The following HDX variants were observed in gnomAD, a reference collection of about 807,000 sequenced individuals.
HDX encodes the protein chromosome X open reading frame 43.
A neutral mutation model predicts 45.2 loss-of-function variants in HDX; 19 were observed. The ratio of observed to expected loss-of-function variants is 0.42; its 90% confidence interval spans 0.29 to 0.62. The LOEUF is 0.62. Ranked by LOEUF, HDX falls within the 20% of genes least tolerant of loss-of-function variation. HDX has a pLI of 0.20. For synonymous variants in HDX, 188 were observed against 172.8 expected (o/e 1.09, Z -0.69); for missense variants, 532 against 493.9 (o/e 1.08, Z -0.73).
In HDX at chrX:84,439,093, C is replaced by G. The variant is rs773011214; in HGVS notation, c.1305+1439G>C. Among the ~76,000 whole-genome samples the G allele has an allele frequency of 5.4e-5, 6 of 111,345 alleles. No individual in the cohort carries two copies. In the South Asian group the frequency reaches 2.3e-3, roughly 42 times the overall value. On this transcript the variant is annotated intron_variant, in intron 5 of 10. Transcript: ENST00000373177. ...TTTTGTTTTGCCTTTTTAATTATTG[C>G]TATTCTGACTGGTGAGAGATGGTAT...
chrX:84,412,702 T>TTCA (rs1268597630), intron 5 of HDX, among the ~76,000 whole-genome samples: 5 of 111,793 alleles, frequency 4.5e-5, no homozygotes, highest in African/African-American at 1.6e-4. Flanking sequence ...TTATCTGAAT[T>TTCA]TGAATGTTGG....
chrX:84,404,829 G>C (rs1411880792), intron 5 of HDX, among the ~76,000 whole-genome samples: 1 of 111,250 alleles, frequency 9.0e-6, no homozygotes, highest in Non-Finnish European at 1.9e-5. Context: ...ACAATATCAT[G>C]AGATTTTCCC....
intron 7 of HDX, among the ~76,000 whole-genome samples, chrX:84,338,343 G>A (rs1008281226): frequency 4.6e-5 from 5 of 109,370 alleles, no homozygotes; most frequent in African/African-American, 6.7e-5. Flanking sequence ...AAATTTTGGG[G>A]GGTATATTTG....
At chrX:84,435,324 T>C (rs1376570332) in intron 5 of HDX, among the ~76,000 whole-genome samples, 4 of 111,590 alleles carry the variant, frequency 3.6e-5, no homozygotes, top group African/African-American at 9.8e-5. Context: ...ATCATGACCA[T>C]TTTTTCATGT....
intron 4 of HDX, among the ~76,000 whole-genome samples, chrX:84,456,214 A>T (rs774543302): frequency 8.9e-6 from 1 of 112,183 alleles, no homozygotes; most frequent in African/African-American, 3.2e-5. Context: ...AAATATTCAC[A>T]TCTTGAGTAG....
chrX:84,348,082 G>A (rs1414643874), intron 6 of HDX, among the ~76,000 whole-genome samples: 3 of 110,703 alleles, frequency 2.7e-5, no homozygotes, highest in Non-Finnish European at 5.7e-5. Context: ...TCTCTTTCTG[G>A]TGGTATTCCC....
chrX:84,439,798 T>C (rs1179046603), intron 5 of HDX, among the ~76,000 whole-genome samples: 2 of 111,657 alleles, frequency 1.8e-5, no homozygotes, highest in African/African-American at 6.5e-5. Context: ...TGTTCGTTAC[T>C]GTAGCCTCAT....
chrX:84,416,539 T>G (rs1389469969), intron 5 of HDX, among the ~76,000 whole-genome samples: 1 of 111,129 alleles, frequency 9.0e-6, no homozygotes, highest in African/African-American at 3.3e-5. Flanking sequence ...TTTATCTTCC[T>G]ACTAGACCTA....
At chrX:84,341,009 T>C (rs1569282338) in intron 7 of HDX, among the ~76,000 whole-genome samples, 2 of 111,602 alleles carry the variant, frequency 1.8e-5, no homozygotes, top group African/African-American at 3.3e-5. Flanking sequence ...ACTTTCACTT[T>C]TTTTCCTTCA....
At chrX:84,392,266 T>C (rs1222116166) in intron 5 of HDX, among the ~76,000 whole-genome samples, 2 of 111,663 alleles carry the variant, frequency 1.8e-5, no homozygotes, top group South Asian at 3.7e-4. Flanking sequence ...TTATGTCCCA[T>C]TGTCCTATGC....
At chrX:84,351,974 G>A (rs1358438790) in intron 6 of HDX, among the ~76,000 whole-genome samples, 2 of 111,780 alleles carry the variant, frequency 1.8e-5, no homozygotes, top group Admixed American at 1.9e-4. Flanking sequence ...ATGTCAAGAA[G>A]GATTCTTAAA....
intron 2 of HDX, among the ~76,000 whole-genome samples, chrX:84,478,081 C>G (rs755998641): frequency 8.9e-6 from 1 of 111,927 alleles, no homozygotes; most frequent in Non-Finnish European, 1.9e-5. Context: ...GTCTACTACT[C>G]TGGGTTGATA....
In HDX at chrX:84,330,663, T is replaced by C. The variant is rs373894294; in HGVS notation, c.1824+3096A>G. Reference sequence around the variant, plus strand: ...GAATGCACAGTCCTTCTTAGCTGCATTCAAGTGTATTAGGAAACATTGATT... The same window carrying C: ...GAATGCACAGTCCTTCTTAGCTGCACTCAAGTGTATTAGGAAACATTGATT... On this transcript the variant is annotated intron_variant, in intron 9 of 10. Coordinates refer to ENST00000373177, the MANE Select transcript of HDX (RefSeq NM_001177479.2). 1.1e-4 allele frequency among the ~76,000 whole-genome samples: 12 copies of C among 111,910 alleles called. No homozygotes were observed. The East Asian group carries it at 1.4e-3, about 13-fold the overall frequency.
At chrX:84,474,071 A>T (rs2040500843) in intron 3 of HDX, among the ~76,000 whole-genome samples, 1 of 111,913 alleles carries the variant, frequency 8.9e-6, no homozygotes, top group African/African-American at 3.3e-5. Flanking sequence ...CGGGCAGATC[A>T]TCTGAGGTCA....
At chrX:84,393,661 A>T (rs1259276073) in intron 5 of HDX, among the ~76,000 whole-genome samples, 3 of 110,894 alleles carry the variant, frequency 2.7e-5, no homozygotes, top group Non-Finnish European at 5.7e-5. Context: ...TCTTTTCTTT[A>T]TTGGGAGACT....
At chrX:84,345,610 T>A (rs2037183751) in intron 6 of HDX, among the ~76,000 whole-genome samples, 1 of 111,936 alleles carries the variant, frequency 8.9e-6, no homozygotes, top group African/African-American at 3.2e-5. Context: ...ATTTACAGGT[T>A]TTGTGTAGAC....
In HDX at chrX:84,479,246, C is replaced by T. The variant is rs1046053632; in HGVS notation, c.1-3849G>A. Among the ~76,000 whole-genome samples the T allele has an allele frequency of 4.5e-5, 5 of 111,537 alleles. No individual in the cohort carries two copies. The South Asian group carries it at 1.2e-3, about 26-fold the overall frequency. On this transcript the variant is annotated intron_variant, in intron 2 of 10. Coordinates refer to ENST00000373177, the MANE Select transcript of HDX (RefSeq NM_001177479.2). The stretch of plus-strand genomic sequence containing the variant: ...TCATTAGCAAGCCATCCAGCCACCC[C>T]AGCTCCTGGCAACCACTGTTTCTAT...
chrX:84,407,712 T>C (rs370122903), intron 5 of HDX, among the ~76,000 whole-genome samples: 1 of 111,699 alleles, frequency 9.0e-6, no homozygotes, highest in Admixed American at 9.5e-5. Flanking sequence ...CTGTTATATT[T>C]TGACTTTTTA....
At chrX:84,434,620 C>T (rs1014840333) in intron 5 of HDX, among the ~76,000 whole-genome samples, 119 of 110,535 alleles carry the variant, frequency 1.1e-3, no homozygotes, top group African/African-American at 3.8e-3. Context: ...TGATATTGGC[C>T]TGTTGTTTTC....
Sources: allele counts gnomAD v4.1 joint callset (sites outside exome capture counted in the v4.1 genomes callset), GRCh38; gene constraint gnomAD v4.1.1; transcripts MANE v1.5; gene names NCBI Gene and HGNC (gene_info 2026-07-23, HGNC 2026-07-21).